Variants in NOM1 observed in about 807,000 individuals in gnomAD.
NOM1 encodes the protein nucleolar MIF4G domain-containing protein 1.
NOM1 carries 58 observed loss-of-function variants against 73.3 expected under a neutral mutation model. That is an observed-to-expected ratio of 0.79 (90% CI 0.64 to 0.99). NOM1 has a LOEUF of 0.99. Ranked by LOEUF, NOM1 falls within the 50% of genes least tolerant of loss-of-function variation. The probability of loss-of-function intolerance (pLI) is 0.00; values close to 1 mark genes in which losing one functional copy is unlikely to be tolerated. For synonymous variants in NOM1, 487 were observed against 446.8 expected (o/e 1.09, Z -1.14); for missense variants, 1,226 against 1,131.9 (o/e 1.08, Z -1.19).
chr7:156,960,551 T>C (rs1804839030), intron 4 of NOM1, among the ~76,000 whole-genome samples: 1 of 152,026 alleles, frequency 6.6e-6, no homozygotes, highest in African/African-American at 2.4e-5. Flanking sequence ...AGCTCCCACA[T>C]TGTGTGCCGT....
At chr7:156,959,353 C>T (rs1298520504) in intron 3 of NOM1, among the ~76,000 whole-genome samples, 1 of 144,268 alleles carries the variant, frequency 6.9e-6, no homozygotes, top group Non-Finnish European at 1.6e-5. Flanking sequence ...CCACCCACCT[C>T]AGCCTCCCAA....
Position 156,962,250 on chromosome 7 carries a change from C to T in NOM1, c.1732C>T (p.Gln578Ter). The T allele has an allele frequency of 1.2e-6, 2 of 1,613,396 alleles. No homozygotes were observed. The highest frequency in any genetic ancestry group is 1.7e-6 in the Non-Finnish European group (2 of 1,179,308). ...PEPVEKLRKLQRALVRNAGSG... is the reference protein window; with the variant it reads ...PEPVEKLRKL ...GCCCGTGGAGAAGCTGAGGAAACTGCAGAGAGCTTTGGTGAGTCAAGGAAC... is the reference window on the plus strand; with the variant it reads ...GCCCGTGGAGAAGCTGAGGAAACTGTAGAGAGCTTTGGTGAGTCAAGGAAC... The change falls in exon 5 of 11, where the codon CAG becomes TAG. Residue 578 changes from glutamine (Q) to a stop codon, truncating the protein, a stop_gained. Transcript: ENST00000275820. LOFTEE classifies it high-confidence loss of function.
At chr7:156,953,336 C>T (rs1307921951) in intron 2 of NOM1, among the ~76,000 whole-genome samples, 2 of 152,128 alleles carry the variant, frequency 1.3e-5, no homozygotes, top group African/African-American at 4.8e-5. Flanking sequence ...CCATGTAGGT[C>T]AGGCTGGTCT....
At position 156,949,969 on chromosome 7, in the gene NOM1, G is replaced by A; in HGVS notation, c.232G>A (p.Gly78Arg). The change falls in exon 1 of 11, where the codon GGG becomes AGG. Residue 78 changes from glycine to arginine, a missense_variant. Transcript: ENST00000275820. ...CGCCCCGGTGAGCTTTCGCCCGGGA[G>A]GGAGAAAAAGCCGTAAGGAACTGAG... ...RGAPVSFRPG[G>R]RKSRKELRKE... The A allele has an allele frequency of 1.9e-6, 3 of 1,540,818 alleles. No homozygotes were observed. Among genetic ancestry groups the A allele is most frequent in the Non-Finnish European group, 2.6e-6 (3 of 1,146,662 alleles).
rs759184919 is a variant in NOM1, at chr7:156,950,198, C to T, written c.461C>T (p.Thr154Met). 3.7e-6 allele frequency: 6 copies of T among 1,608,936 alleles called. No homozygotes were observed. The highest frequency in any genetic ancestry group is 2.2e-5 in the East Asian group (1 of 44,834). ...PRPSRVKAKA[T>M]AATAKTRPSA... The stretch of plus-strand genomic sequence containing the variant: ...CCGTCCCGGGTCAAGGCCAAGGCCA[C>T]GGCCGCCACCGCAAAGACCAGACCC... Residue 154 changes from threonine (T) to methionine (M), a missense_variant, in exon 1 of 11, where the codon ACG (threonine) becomes ATG (methionine). Coordinates refer to ENST00000275820, the MANE Select transcript of NOM1 (RefSeq NM_138400.2).
chr7:156,965,100 G>A (rs531324576), intron 7 of NOM1, among the ~76,000 whole-genome samples: 4 of 152,194 alleles, frequency 2.6e-5, no homozygotes, highest in Middle Eastern at 3.4e-3. Context: ...TCTTTGGGCC[G>A]CCTTCGCCGC....
In NOM1 at chr7:156,967,039, C is replaced by G. The variant is rs1321661679; in HGVS notation, c.2245C>G (p.His749Asp). ...LPATNFSNLV[H>D]LVAHLLKTKS... ...AGCTACGAATTTCTCTAATTTGGTT[C>G]ATCTGGTGGCCCACTTGTTGAAGAC... The change falls in exon 9 of 11, where the codon CAT becomes GAT. Residue 749 changes from histidine (H) to aspartate (D), a missense_variant. By Grantham distance (81) the His-to-Asp change is moderately conservative. Transcript: ENST00000275820. 1 of 1,613,734 alleles carries G rather than the reference C, an allele frequency of 6.2e-7. No individual in the cohort carries two copies. The highest frequency in any genetic ancestry group is 8.5e-7 in the Non-Finnish European group (1 of 1,179,972).
intron 1 of NOM1, among the ~76,000 whole-genome samples, chr7:156,951,767 G>T (rs1804598264): frequency 1.3e-5 from 2 of 151,890 alleles, no homozygotes; most frequent in South Asian, 4.1e-4. Context: ...GAGTAGAGTG[G>T]TGCAGTCTCC....
Position 156,950,186 on chromosome 7 carries a change from A to G in NOM1, c.449A>G (p.Lys150Arg), listed in dbSNP as rs1804546444. The G allele has an allele frequency of 1.9e-6, 3 of 1,607,390 alleles. No homozygotes were observed. The highest frequency in any genetic ancestry group is 2.5e-6 in the Non-Finnish European group (3 of 1,178,934). ...AGGAAGCCGCGGCCGTCCCGGGTCA[A>G]GGCCAAGGCCACGGCCGCCACCGCA... ...PPRKPRPSRVKAKATAATAKT... is the reference protein window; with the variant it reads ...PPRKPRPSRVRAKATAATAKT... Residue 150 changes from lysine (K) to arginine (R), a missense_variant, in exon 1 of 11, where the codon AAG becomes AGG. Coordinates refer to ENST00000275820, the MANE Select transcript of NOM1 (RefSeq NM_138400.2).
intron 7 of NOM1, 143 bp from the exon 8 acceptor site, chr7:156,966,127 G>C: frequency 1.1e-6 from 1 of 943,628 alleles, no homozygotes; most frequent in Non-Finnish European, 1.6e-6. Context: ...CCCCTAGCTG[G>C]TGTCTGCCGC....
chr7:156,965,758 A>C (rs1357080375), intron 7 of NOM1, among the ~76,000 whole-genome samples: 1 of 149,644 alleles, frequency 6.7e-6, no homozygotes, highest in African/African-American at 2.5e-5. Context: ...TCTACTAAAA[A>C]CACAAAAATT....
intron 6 of NOM1, 79 bp downstream of exon 6, chr7:156,963,254 G>A: frequency 6.8e-7 from 1 of 1,471,558 alleles, no homozygotes; most frequent in Non-Finnish European, 9.5e-7. Flanking sequence ...ACCTGGAGCA[G>A]CTCTCTTACT....
At chr7:156,957,691 C>T (rs1256760486) in intron 3 of NOM1, among the ~76,000 whole-genome samples, 2 of 143,984 alleles carry the variant, frequency 1.4e-5, no homozygotes, top group Non-Finnish European at 3.0e-5. Context: ...AGGAGGATGG[C>T]GTGAACCCAG....
rs143422043 is a variant in NOM1, at chr7:156,954,382, G to A, written c.1308+84G>A. 339 of 1,162,550 alleles carry A rather than the reference G, an allele frequency of 2.9e-4. 1 individual carries two copies. The highest frequency in any genetic ancestry group is 2.8e-3 in the African/African-American group (181 of 64,024). The allele number at this position is 1,162,550 out of a possible 1,614,324, so 72.0% of individuals were successfully genotyped here. ...ATAGGCTTGATAAGTGCGTAATTGT[G>A]TGCTGTGGGTGGTTCTTGTGTCGAT... On this transcript the variant is annotated intron_variant, in intron 3 of 10. Transcript: ENST00000275820.
Position 156,971,668 on chromosome 7 carries a change from G to A in NOM1, c.*1965G>A, listed in dbSNP as rs894966506. On this transcript the variant is annotated 3_prime_UTR_variant, in exon 11 of 11. Transcript: ENST00000275820. ...TTTATTTTAGCTCGACCCTATGGCA[G>A]TTTGTGTTTGGAAATCGTGATGTGA... 5.9e-5 allele frequency: 9 copies of A among 152,244 alleles called. No individual in the cohort carries two copies. The highest frequency in any genetic ancestry group is 2.2e-4 in the African/African-American group (9 of 41,466). The allele number at this position is 152,244 out of a possible 1,614,324, so 9.4% of individuals were successfully genotyped here. A position where few individuals can be genotyped will look rare whatever the true frequency, so the allele number is the denominator to read the frequency against.
chr7:156,962,587 T>C (rs1383887933), intron 5 of NOM1, among the ~76,000 whole-genome samples: 3 of 152,186 alleles, frequency 2.0e-5, no homozygotes, highest in Non-Finnish European at 4.4e-5. Context: ...CCAAGGAAAT[T>C]GGGATGACGT....
Position 156,972,057 on chromosome 7 carries a change from C to G in NOM1, c.*2354C>G, listed in dbSNP as rs1348511743. 1 of 152,196 alleles carries G rather than the reference C, an allele frequency of 6.6e-6. No individual in the cohort carries two copies. The highest frequency in any genetic ancestry group is 2.4e-5 in the African/African-American group (1 of 41,436). 9.4% of individuals were successfully genotyped at this position (152,196 alleles called of 1,614,324 possible). A position where few individuals can be genotyped will look rare whatever the true frequency, so the allele number is the denominator to read the frequency against. On this transcript the variant is annotated 3_prime_UTR_variant, in exon 11 of 11. Transcript: ENST00000275820. The stretch of plus-strand genomic sequence containing the variant: ...TGTAGCTTGATAGTGAAATAAGGAG[C>G]TTGGGCTAAGGTATAAATCAACACA...
At chr7:156,956,859 A>G (rs1001147260) in intron 3 of NOM1, among the ~76,000 whole-genome samples, 3 of 152,214 alleles carry the variant, frequency 2.0e-5, no homozygotes, top group Non-Finnish European at 2.9e-5. Flanking sequence ...TGTGATTACC[A>G]TAATCAGGGC....
At chr7:156,959,220 A>C (rs1442766195) in intron 3 of NOM1, among the ~76,000 whole-genome samples, 2 of 151,832 alleles carry the variant, frequency 1.3e-5, no homozygotes, top group African/African-American at 4.8e-5. Flanking sequence ...CTCTTGCCTC[A>C]GCCTCCCAAG....
Sources: allele counts gnomAD v4.1 joint callset (sites outside exome capture counted in the v4.1 genomes callset), GRCh38; gene constraint gnomAD v4.1.1; transcripts MANE v1.5; gene names NCBI Gene and HGNC (gene_info 2026-07-23, HGNC 2026-07-21).